Variants in SIPA1 observed in about 807,000 individuals in gnomAD.
SIPA1 encodes the protein signal-induced proliferation-associated protein 1.
Under a neutral mutation model 88.1 loss-of-function variants are expected in SIPA1, and 51 were observed. The ratio of observed to expected loss-of-function variants is 0.58; its 90% CI spans 0.46 to 0.73. SIPA1 has a LOEUF of 0.73. Among genes scored for constraint, SIPA1 ranks in the 30% least tolerant of loss-of-function variants. The probability of loss-of-function intolerance (pLI) is 0.00; values close to 1 mark genes in which losing one functional copy is unlikely to be tolerated. For missense variants in SIPA1, 1,348 were observed against 1,467.6 expected (o/e 0.92, Z 1.33); for synonymous variants, 681 against 664.8 (o/e 1.02, Z -0.37).
At chr11:65,638,588 C>G (rs901439678) in intron 1 of SIPA1, among the ~76,000 whole-genome samples, 7 of 152,332 alleles carry the variant, frequency 4.6e-5, no homozygotes, top group African/African-American at 1.4e-4. Context: ...CTGTCGCGCC[C>G]CCTGGCAGCC....
At chr11:65,644,876 C>G in intron 4 of SIPA1, 79 bp from the exon 5 acceptor site, 1 of 1,433,502 alleles carries the variant, frequency 7.0e-7, no homozygotes, top group Non-Finnish European at 9.6e-7. Flanking sequence ...CCCAGGCCAG[C>G]GTCCCATCCA....
chr11:65,650,019 G>A lies in SIPA1; in HGVS notation c.2816G>A (p.Cys939Tyr), dbSNP rs780123293. The change falls in exon 13 of 16, where the codon TGC becomes TAC. Residue 939 changes from cysteine to tyrosine, a missense_variant. Physicochemically the swap from Cys to Tyr is radical, Grantham distance 194. Transcript: ENST00000534313. The part of the protein sequence containing the change: ...WQAISEIAST[C>Y]NTILESLSRE... ...GCCATCTCGGAGATTGCCTCTACTT[G>A]CAACACCATTCTGGAGTCGCTGTCC... 2 of 1,613,942 alleles carry A rather than the reference G, an allele frequency of 1.2e-6. No individual in the cohort carries two copies. The highest frequency in any genetic ancestry group is 1.3e-5 in the African/African-American group (1 of 75,008).
Position 65,642,042 on chromosome 11 carries a change from G to T in SIPA1, c.680-208G>T. 1.5e-6 allele frequency: 1 copy of T among 658,878 alleles called. No individual in the cohort carries two copies. The highest frequency in any genetic ancestry group is 3.5e-5 in the Admixed American group (1 of 28,568). 40.8% of individuals were successfully genotyped at this position (658,878 alleles called of 1,614,324 possible). ...ATTTAGGCCTGGGAGCTGGCCGCGT[G>T]GGTCTAGGTCTGGGTCTGGGTCCAC... On this transcript the variant is annotated intron_variant, in intron 2 of 15. Coordinates refer to ENST00000534313, the MANE Select transcript of SIPA1 (RefSeq NM_006747.4). This position sits in a 1 kb window ranked among gnomAD's most constrained non-coding sequence, Gnocchi z 6.5.
At chr11:65,647,846 GTCCT>G (rs201484072) in intron 9 of SIPA1, among the ~76,000 whole-genome samples, 188 bp downstream of exon 9, 11,662 of 147,926 alleles carry the variant, frequency 0.079, 645 homozygotes, top group South Asian at 0.28. Context: ...CTCTTTCTCT[GTCCT>G]TCCTTCCTCT....
At position 65,650,859 on chromosome 11, in the gene SIPA1, C is replaced by A; in HGVS notation, c.*144C>A. 4.7e-6 allele frequency: 4 copies of A among 846,542 alleles called. No individual in the cohort carries two copies. Among genetic ancestry groups the A allele is most frequent in the Non-Finnish European group, 7.1e-6 (4 of 567,138 alleles). 52.4% of individuals were successfully genotyped at this position (846,542 alleles called of 1,614,324 possible). A position where few individuals can be genotyped will look rare whatever the true frequency, so the allele number is the denominator to read the frequency against. On this transcript the variant is annotated 3_prime_UTR_variant, in exon 16 of 16. Transcript: ENST00000534313. ...TGGCGGAAGTGGCCTCCACCCCTTC[C>A]CTGTTTGTAAATATTCTGTGGAGAA...
In SIPA1 at chr11:65,649,987, G is replaced by A; in HGVS notation, c.2784G>A (p.Glu928=). The A allele has an allele frequency of 6.2e-7, 1 of 1,614,056 alleles. No individual in the cohort carries two copies. The highest frequency in any genetic ancestry group is 8.5e-7 in the Non-Finnish European group (1 of 1,180,010). ...SEAGSGTLED[E]WQAISEIAST... ...CGGGCAGTGGGACCCTGGAGGACGA[G>A]TGGCAGGCCATCTCGGAGATTGCCT... The change falls in exon 13 of 16, where the codon GAG becomes GAA. Residue 928 remains glutamate (E), a synonymous_variant. Transcript: ENST00000534313.
intron 9 of SIPA1, among the ~76,000 whole-genome samples, chr11:65,647,982 C>T (rs1461277149): frequency 6.6e-6 from 1 of 152,064 alleles, no homozygotes; most frequent in Non-Finnish European, 1.5e-5. Context: ...AGCAGTTCTC[C>T]TGCCTCAGCC....
chr11:65,646,771 C>T lies in SIPA1; in HGVS notation c.1737C>T (p.Gly579=). ...CAGGCGCCGAGCTGCAGGCAGCGGG[C>T]TCACTGGTGTGGGGAGTGCGCGCGG... ...RGPGAELQAA[G]SLVWGVRAAP... The change falls in exon 8 of 16, where the codon GGC becomes GGT. Residue 579 remains glycine (G), a synonymous_variant. Coordinates refer to ENST00000534313, the MANE Select transcript of SIPA1 (RefSeq NM_006747.4). This position sits in a 1 kb window ranked among gnomAD's most constrained non-coding sequence, Gnocchi z 7.5. The T allele has an allele frequency of 6.7e-7, 1 of 1,481,484 alleles. No homozygotes were observed. Among genetic ancestry groups the T allele is most frequent in the Non-Finnish European group, 8.9e-7 (1 of 1,123,626 alleles). The allele number at this position is 1,481,484 out of a possible 1,614,324, so 91.8% of individuals were successfully genotyped here. A position where few individuals can be genotyped will look rare whatever the true frequency, so the allele number is the denominator to read the frequency against.
In SIPA1 at chr11:65,650,004, A is replaced by T. The variant is rs757803156; in HGVS notation, c.2801A>T (p.Glu934Val). 6.2e-7 allele frequency: 1 copy of T among 1,613,916 alleles called. No individual in the cohort carries two copies. The highest frequency in any genetic ancestry group is 8.5e-7 in the Non-Finnish European group (1 of 1,179,996). The change falls in exon 13 of 16, where the codon GAG (glutamate) becomes GTG (valine). Residue 934 changes from glutamate (E) to valine (V), a missense_variant. Glu to Val is a moderately radical substitution (Grantham distance 121). This residue lies in a region of SIPA1 where 615 missense variants were observed against 559.8 expected (regional missense o/e 1.10). Coordinates refer to ENST00000534313, the MANE Select transcript of SIPA1 (RefSeq NM_006747.4). ...GAGGACGAGTGGCAGGCCATCTCGG[A>T]GATTGCCTCTACTTGCAACACCATT... ...TLEDEWQAISEIASTCNTILE... is the reference protein window; with the variant it reads ...TLEDEWQAISVIASTCNTILE...
rs1239453279 is a variant in SIPA1 at position 65,641,517 on chromosome 11, A to G, written c.596A>G (p.Glu199Gly). ...LPNAAVSILE[E>G]PQNRTSAYSL... Reference sequence around the variant, plus strand: ...AACGCGGCCGTGTCCATCCTGGAGGAGCCACAGAACCGAACCTCGGCCTAC... The same window carrying G: ...AACGCGGCCGTGTCCATCCTGGAGGGGCCACAGAACCGAACCTCGGCCTAC... The change falls in exon 2 of 16, where the codon GAG becomes GGG. Residue 199 changes from glutamate to glycine, a missense_variant. Glu to Gly is a moderately conservative substitution (Grantham distance 98). Coordinates refer to ENST00000534313, the MANE Select transcript of SIPA1 (RefSeq NM_006747.4). 9.3e-6 allele frequency: 15 copies of G among 1,612,256 alleles called. No homozygotes were observed. The highest frequency in any genetic ancestry group is 1.0e-5 in the Non-Finnish European group (12 of 1,180,002).
rs1282183000 is a variant in SIPA1 at position 65,645,076 on chromosome 11, A to G, written c.1106A>G (p.Asp369Gly). 4 of 1,613,844 alleles carry G rather than the reference A, an allele frequency of 2.5e-6. No homozygotes were observed. Among genetic ancestry groups the G allele is most frequent in the Non-Finnish European group, 3.4e-6 (4 of 1,179,936 alleles). Residue 369 changes from aspartate (D) to glycine (G), a missense_variant, in exon 5 of 16, where the codon GAT (aspartate) becomes GGT (glycine). Around this residue, in one of 4 missense-constraint regions of SIPA1, gnomAD observed 641 missense variants for 797.7 expected, o/e 0.80. Coordinates refer to ENST00000534313, the MANE Select transcript of SIPA1 (RefSeq NM_006747.4). ...AFMQFLTLLGDVVRLKGFESY... is the reference protein window; with the variant it reads ...AFMQFLTLLGGVVRLKGFESY... ...ATGCAGTTTCTCACCTTGCTGGGCG[A>G]TGTGGTGCGGCTCAAAGGCTTTGAG...
At position 65,642,396 on chromosome 11, in the gene SIPA1, A is replaced by G. The variant is rs1408429979; in HGVS notation, c.807+19A>G. ...CACGCAGGTGGGCCGGGATCGCGGG[A>G]TCAGGACGTGGGTTGCCTCCCCGAC... On this transcript the variant is annotated intron_variant, in intron 3 of 15. Coordinates refer to ENST00000534313, the MANE Select transcript of SIPA1 (RefSeq NM_006747.4). The surrounding 1 kb of genome is among the most constrained non-coding windows in gnomAD (Gnocchi z 6.5). 2 of 1,590,774 alleles carry G rather than the reference A, an allele frequency of 1.3e-6. No homozygotes were observed. Among genetic ancestry groups the G allele is most frequent in the South Asian group, 1.1e-5 (1 of 89,150 alleles).
intron 4 of SIPA1, 78 bp from the exon 5 acceptor site, chr11:65,644,877 G>GA: frequency 6.9e-7 from 1 of 1,451,800 alleles, no homozygotes; most frequent in Non-Finnish European, 9.4e-7. Flanking sequence ...CCAGGCCAGC[G>GA]TCCCATCCAT....
In SIPA1 at chr11:65,642,360, A is replaced by G. The variant is rs765507738; in HGVS notation, c.790A>G (p.Ile264Val). Reference protein sequence around the residue: ...GGGTLHSYRVIVRTTQLRTLR... With the variant: ...GGGTLHSYRVVVRTTQLRTLR... ...GGGCACCCTGCACAGCTACCGCGTC[A>G]TCGTGCGGACCACGCAGGTGGGCCG... Residue 264 changes from isoleucine to valine, a missense_variant, in exon 3 of 16, where the codon ATC becomes GTC. By Grantham distance (29) the Ile-to-Val change is conservative (BLOSUM62 3). Transcript: ENST00000534313. The surrounding 1 kb of genome is among the most constrained non-coding windows in gnomAD (Gnocchi z 6.5). The G allele has an allele frequency of 6.3e-7, 1 of 1,575,694 alleles. No homozygotes were observed. Among genetic ancestry groups the G allele is most frequent in the South Asian group, 1.1e-5 (1 of 87,112 alleles).
At chr11:65,649,517 T>TG in intron 10 of SIPA1, 37 bp downstream of exon 10, 1 of 1,613,928 alleles carries the variant, frequency 6.2e-7, no homozygotes, top group Non-Finnish European at 8.5e-7. Context: ...TCCAGGCCTC[T>TG]GGGAAAGCGG....
chr11:65,646,493 G>C lies in SIPA1; in HGVS notation c.1459G>C (p.Gly487Arg). 2 of 1,580,238 alleles carry C rather than the reference G, an allele frequency of 1.3e-6. No individual in the cohort carries two copies. The highest frequency in any genetic ancestry group is 1.7e-6 in the Non-Finnish European group (2 of 1,169,492). The change falls in exon 8 of 16, where the codon GGG (glycine) becomes CGG (arginine). Residue 487 changes from glycine (G) to arginine (R), a missense_variant. This residue lies in a region of SIPA1 where 641 missense variants were observed against 797.7 expected (regional missense o/e 0.80). Coordinates refer to ENST00000534313, the MANE Select transcript of SIPA1 (RefSeq NM_006747.4). The surrounding 1 kb of genome is among the most constrained non-coding windows in gnomAD (Gnocchi z 7.5). ...VSRTQDTPAFGPALPAGGGPF... is the reference protein window; with the variant it reads ...VSRTQDTPAFRPALPAGGGPF... ...CCGCACCCAGGACACCCCTGCCTTCGGGCCAGCTCTGCCTGCTGGCGGAGG... is the reference window on the plus strand; with the variant it reads ...CCGCACCCAGGACACCCCTGCCTTCCGGCCAGCTCTGCCTGCTGGCGGAGG...
chr11:65,647,394 G>A lies in SIPA1; in HGVS notation c.2042G>A (p.Arg681His). The A allele has an allele frequency of 6.9e-7, 1 of 1,453,116 alleles. No homozygotes were observed. The highest frequency in any genetic ancestry group is 9.0e-7 in the Non-Finnish European group (1 of 1,110,768). The allele number at this position is 1,453,116 out of a possible 1,614,324, so 90.0% of individuals were successfully genotyped here. Residue 681 changes from arginine (R) to histidine (H), a missense_variant, in exon 9 of 16, where the codon CGT becomes CAT. Coordinates refer to ENST00000534313, the MANE Select transcript of SIPA1 (RefSeq NM_006747.4). ...CCGCCCCGTCCGCAGCTGGTGAGCC[G>A]TGGCTGCGAGACCCGCGAGCTGGCG... ...EVVARLQLVSRGCETRELALP... is the reference protein window; with the variant it reads ...EVVARLQLVSHGCETRELALP...
chr11:65,645,069 C>T lies in SIPA1; in HGVS notation c.1099C>T (p.Leu367=), dbSNP rs1856081467. Residue 367 remains leucine (L), a synonymous_variant, in exon 5 of 16, where the codon CTG becomes TTG. Coordinates refer to ENST00000534313, the MANE Select transcript of SIPA1 (RefSeq NM_006747.4). ...GPAFMQFLTL[L]GDVVRLKGFE... ...GGCCTTCATGCAGTTTCTCACCTTGCTGGGCGATGTGGTGCGGCTCAAAGG... is the reference window on the plus strand; with the variant it reads ...GGCCTTCATGCAGTTTCTCACCTTGTTGGGCGATGTGGTGCGGCTCAAAGG... 1 of 1,614,072 alleles carries T rather than the reference C, an allele frequency of 6.2e-7. No homozygotes were observed. Among genetic ancestry groups the T allele is most frequent in the Admixed American group, 1.7e-5 (1 of 60,012 alleles).
At chr11:65,647,253 C>T (rs1264367088) in intron 8 of SIPA1, 131 bp from the exon 9 acceptor site, 6 of 1,367,946 alleles carry the variant, frequency 4.4e-6, no homozygotes, top group Non-Finnish European at 5.7e-6. Flanking sequence ...CTTCATCCCT[C>T]GGGCGGTGGC....
Sources: allele counts gnomAD v4.1 joint callset (sites outside exome capture counted in the v4.1 genomes callset), GRCh38; gene constraint gnomAD v4.1.1; regional missense constraint gnomAD v4.1.1; non-coding constraint Gnocchi (gnomAD v3.1); transcripts MANE v1.5; gene names NCBI Gene and HGNC (gene_info 2026-07-23, HGNC 2026-07-21).